Variants in SLC27A6 observed in about 807,000 individuals in gnomAD.
SLC27A6 encodes the protein solute carrier family 27 member 6, also known as long-chain fatty acid transport protein 6.
Under a neutral mutation model 63.9 loss-of-function variants are expected in SLC27A6, and 74 were observed. That is an observed-to-expected ratio of 1.16 (90% CI 0.96 to 1.40). SLC27A6 has a LOEUF of 1.40. Ranked by LOEUF, SLC27A6 falls within the 40% of genes most tolerant of loss-of-function variation. The probability of loss-of-function intolerance (pLI) is 0.00; values close to 1 mark genes in which losing one functional copy is unlikely to be tolerated. For missense variants in SLC27A6, 794 were observed against 732.9 expected (o/e 1.08, Z -0.96); for synonymous variants, 287 against 260.8 (o/e 1.10, Z -0.97).
In SLC27A6 at chr5:128,967,208, T is replaced by C. The variant is rs188346111; in HGVS notation, c.481+590T>C. On this transcript the variant is annotated intron_variant, in intron 1 of 9. Coordinates refer to ENST00000262462, the MANE Select transcript of SLC27A6 (RefSeq NM_001017372.3). ...CTTCTTATCCTTCCATGCATCCTTTTCTTTTTTTGACTAAGTTCTACCCTT... is the reference window on the plus strand; with the variant it reads ...CTTCTTATCCTTCCATGCATCCTTTCCTTTTTTTGACTAAGTTCTACCCTT... Among the ~76,000 whole-genome samples, 107 of 152,160 alleles carry C rather than the reference T, an allele frequency of 7.0e-4. No homozygotes were observed. The East Asian group carries it at 0.017, about 24-fold the overall frequency.
chr5:128,992,734 A>G (rs984382524), intron 4 of SLC27A6, among the ~76,000 whole-genome samples: 7 of 152,174 alleles, frequency 4.6e-5, no homozygotes, highest in African/African-American at 1.4e-4. Flanking sequence ...CTTTTTGGTA[A>G]TGTGATATCT....
chr5:129,028,095 T>C (rs1376843732), intron 7 of SLC27A6, among the ~76,000 whole-genome samples: 2 of 152,098 alleles, frequency 1.3e-5, no homozygotes, highest in Non-Finnish European at 2.9e-5. Flanking sequence ...TTTATTTTTA[T>C]GTATATTATA....
intron 1 of SLC27A6, among the ~76,000 whole-genome samples, 192 bp from the exon 2 acceptor site, chr5:128,984,941 A>G (rs1750734725): frequency 6.6e-6 from 1 of 152,218 alleles, no homozygotes; most frequent in African/African-American, 2.4e-5. Context: ...TCAGGTGATA[A>G]CTAAATTTCC....
chr5:129,002,010 C>T (rs1234943468), intron 4 of SLC27A6, among the ~76,000 whole-genome samples: 3 of 152,116 alleles, frequency 2.0e-5, no homozygotes, highest in African/African-American at 7.2e-5. Context: ...TTGAAGAAAC[C>T]AGAGTTTTGG....
At chr5:128,970,367 C>T (rs184138597) in intron 1 of SLC27A6, among the ~76,000 whole-genome samples, 2 of 152,066 alleles carry the variant, frequency 1.3e-5, no homozygotes, top group African/African-American at 4.8e-5. Flanking sequence ...TGGTAGAATT[C>T]GTTGTGAACC....
At position 129,033,245 on chromosome 5, in the gene SLC27A6, T is replaced by C. The variant is rs1317270900; in HGVS notation, c.1823T>C (p.Leu608Pro). ...KKSYVLLTRE[L>P]YDQIMLGEIK... is the part of the protein sequence containing the mutation. ...TCTTATGTTCTACTGACCAGGGAAC[T>C]TTATGATCAAATAATGTTAGGGGAA... The change falls in exon 10 of 10, where the codon CTT becomes CCT. Residue 608 changes from leucine to proline, a missense_variant. Physicochemically the swap from Leu to Pro is moderately conservative, Grantham distance 98. Transcript: ENST00000262462. 2 of 1,587,470 alleles carry C rather than the reference T, an allele frequency of 1.3e-6. No homozygotes were observed. The highest frequency in any genetic ancestry group is 2.7e-5 in the African/African-American group (2 of 73,604).
intron 1 of SLC27A6, among the ~76,000 whole-genome samples, chr5:128,982,552 T>C (rs1046248496): frequency 2.6e-5 from 4 of 152,334 alleles, no homozygotes; most frequent in South Asian, 2.1e-4. Context: ...GAATTTCTTA[T>C]TCTAGATGAG....
chr5:129,027,063 A>G, intron 6 of SLC27A6, 70 bp from the exon 7 acceptor site: 1 of 1,243,328 alleles, frequency 8.0e-7, no homozygotes, highest in Non-Finnish European at 1.2e-6. Context: ...GATATAATAT[A>G]GATACATTCA....
intron 1 of SLC27A6, among the ~76,000 whole-genome samples, chr5:128,980,610 A>G (rs1268839284): frequency 6.6e-6 from 1 of 152,206 alleles, no homozygotes; most frequent in African/African-American, 2.4e-5. Context: ...GCATTATGTG[A>G]AAAGCCTGTT....
rs1290479772 is a variant in SLC27A6, at chr5:128,988,653, G to C, written c.739G>C (p.Val247Leu). The C allele has an allele frequency of 1.2e-6, 2 of 1,614,048 alleles. No individual in the cohort carries two copies. The highest frequency in any genetic ancestry group is 1.7e-6 in the Non-Finnish European group (2 of 1,179,958). Residue 247 changes from valine (V) to leucine (L), a missense_variant, in exon 3 of 10, where the codon GTC (valine) becomes CTC (leucine). Val to Leu is a conservative substitution (Grantham distance 32, BLOSUM62 1). Transcript: ENST00000262462. Reference protein sequence around the residue: ...SQLQVLRGSAVLWAFGCTAHD... With the variant: ...SQLQVLRGSALLWAFGCTAHD... ...GCTGCAGGTTTTAAGGGGTTCTGCT[G>C]TCCTGTGGGCTTTTGGTTGTACTGC... is the stretch of plus-strand genomic sequence containing the variant.
intron 4 of SLC27A6, among the ~76,000 whole-genome samples, chr5:129,004,187 T>C (rs1751442834): frequency 6.6e-6 from 1 of 152,178 alleles, no homozygotes; most frequent in Non-Finnish European, 1.5e-5. Flanking sequence ...AGTGTCTCTC[T>C]ATGTTCCTCT....
intron 9 of SLC27A6, among the ~76,000 whole-genome samples, chr5:129,030,739 C>T (rs996193411): frequency 6.6e-6 from 1 of 151,838 alleles, no homozygotes; most frequent in African/African-American, 2.4e-5. Flanking sequence ...ACCTTGTTTC[C>T]CCCAAGGATA....
At chr5:128,972,020 G>A (rs1179661523) in intron 1 of SLC27A6, among the ~76,000 whole-genome samples, 1 of 152,120 alleles carries the variant, frequency 6.6e-6, no homozygotes. Context: ...CTTCACTTAT[G>A]AAGCTTAGTT....
chr5:129,023,474 G>T, intron 5 of SLC27A6, 146 bp from the exon 6 acceptor site: 1 of 506,842 alleles, frequency 2.0e-6, no homozygotes, highest in Non-Finnish European at 3.4e-6. Flanking sequence ...TTTGTCTTCA[G>T]TAAAAGTTGT....
chr5:129,009,648 TCC>T (rs1751658493), intron 4 of SLC27A6, among the ~76,000 whole-genome samples: 2 of 149,298 alleles, frequency 1.3e-5, no homozygotes, highest in African/African-American at 5.0e-5. Flanking sequence ...CATCTCAAAC[TCC>T]CCATCATAGC....
At chr5:128,987,646 A>G (rs1358943286) in intron 2 of SLC27A6, among the ~76,000 whole-genome samples, 2 of 152,164 alleles carry the variant, frequency 1.3e-5, no homozygotes, top group Admixed American at 6.6e-5. Flanking sequence ...ATATTCAGAG[A>G]ACATAATTGT....
At chr5:129,013,220 T>C (rs1751783011) in intron 4 of SLC27A6, among the ~76,000 whole-genome samples, 1 of 152,086 alleles carries the variant, frequency 6.6e-6, no homozygotes, top group African/African-American at 2.4e-5. Context: ...GCAAGAACTT[T>C]GTAACACTTC....
At chr5:129,008,350 G>C (rs1392296993) in intron 4 of SLC27A6, among the ~76,000 whole-genome samples, 1 of 152,090 alleles carries the variant, frequency 6.6e-6, no homozygotes, top group Non-Finnish European at 1.5e-5. Flanking sequence ...GAATTTCTTA[G>C]GATGATTGTT....
intron 4 of SLC27A6, among the ~76,000 whole-genome samples, chr5:128,996,241 A>G (rs1157673075): frequency 1.3e-5 from 2 of 152,190 alleles, no homozygotes; most frequent in African/African-American, 4.8e-5. Flanking sequence ...ATATATGTCA[A>G]TGTAGAACAC....
Sources: allele counts gnomAD v4.1 joint callset (sites outside exome capture counted in the v4.1 genomes callset), GRCh38; gene constraint gnomAD v4.1.1; transcripts MANE v1.5; gene names NCBI Gene and HGNC (gene_info 2026-07-23, HGNC 2026-07-21).